ALG14: variants seen among roughly 807,000 people sequenced by gnomAD.
ALG14 encodes the protein UDP-N-acetylglucosamine transferase subunit ALG14.
In ALG14, 17 loss-of-function variants were observed where a neutral mutation model predicts 22.8. The observed-to-expected ratio is 0.75, with a 90% CI of 0.51 to 1.12. The LOEUF is 1.12. Among genes scored for constraint, ALG14 ranks in the 50% most tolerant of loss-of-function variants. The pLI is 0.00. For missense variants in ALG14, 288 were observed against 271.8 expected (o/e 1.06, Z -0.42); for synonymous variants, 89 against 103.7 (o/e 0.86, Z 0.86).
At chr1:95,005,160 G>T (rs182691716) in intron 3 of ALG14, among the ~76,000 whole-genome samples, 1 of 152,174 alleles carries the variant, frequency 6.6e-6, no homozygotes, top group Non-Finnish European at 1.5e-5. Flanking sequence ...TTGAAGCCAG[G>T]TCTTGATGCA....
intron 2 of ALG14, among the ~76,000 whole-genome samples, chr1:95,042,572 T>G (rs1341452788): frequency 2.0e-5 from 3 of 152,214 alleles, no homozygotes; most frequent in Non-Finnish European, 4.4e-5. Context: ...GAACTGAGTC[T>G]CCCTTTTGGG....
At chr1:95,016,270 T>C (rs774472624) in intron 3 of ALG14, among the ~76,000 whole-genome samples, 1 of 148,892 alleles carries the variant, frequency 6.7e-6, no homozygotes, top group Non-Finnish European at 1.5e-5. Flanking sequence ...ACAAGAACTG[T>C]TTTTTTTTTA....
Position 94,980,179 on chromosome 1 carries a change from A to C in ALG14, c.*2897T>G, listed in dbSNP as rs964459739. ...TGATGTGTTCCAAGTTGCTTTTATA[A>C]GGGGAAGCTTGGGTCATCTCCTTCC... On this transcript the variant is annotated 3_prime_UTR_variant, in exon 4 of 4. Transcript: ENST00000370205. 6.6e-6 allele frequency: 1 copy of C among 152,164 alleles called. No homozygotes were observed. The highest frequency in any genetic ancestry group is 1.5e-5 in the Non-Finnish European group (1 of 68,026). 9.4% of individuals were successfully genotyped at this position (152,164 alleles called of 1,614,324 possible).
chr1:95,031,029 C>T (rs114816616), intron 2 of ALG14, among the ~76,000 whole-genome samples: 3,340 of 152,202 alleles, frequency 0.022, 60 homozygotes, highest in Non-Finnish European at 0.033. Context: ...GTCTCCAGAC[C>T]AGAAGTTTAG....
chr1:95,048,908 G>A (rs1414231978), intron 2 of ALG14, among the ~76,000 whole-genome samples: 2 of 151,986 alleles, frequency 1.3e-5, no homozygotes, highest in Non-Finnish European at 2.9e-5. Context: ...ACAGGCTGAA[G>A]AGTAGAGTTA....
intron 3 of ALG14, among the ~76,000 whole-genome samples, chr1:95,002,806 G>C (rs914174853): frequency 6.6e-6 from 1 of 152,212 alleles, no homozygotes; most frequent in East Asian, 1.9e-4. Flanking sequence ...CTTTTTAAGA[G>C]TATCCGGTAG....
chr1:95,026,662 CT>C (rs78046048), intron 3 of ALG14, among the ~76,000 whole-genome samples: 42,272 of 152,044 alleles, frequency 0.28, 6,471 homozygotes, highest in African/African-American at 0.42. Flanking sequence ...GGCGCAGTGG[CT>C]CATGCCTGTA....
chr1:95,012,045 T>G (rs939774435), intron 3 of ALG14, among the ~76,000 whole-genome samples: 2 of 152,088 alleles, frequency 1.3e-5, no homozygotes, highest in African/African-American at 2.4e-5. Context: ...TCTCACAAGA[T>G]CTGATGATTT....
At position 95,064,983 on chromosome 1, in the gene ALG14, C is replaced by G; in HGVS notation, c.171G>C (p.Gly57=). Residue 57 remains glycine, a synonymous_variant, in exon 2 of 4, where the codon GGG becomes GGC. Coordinates refer to ENST00000370205, the MANE Select transcript of ALG14 (RefSeq NM_144988.4). ...GHTTEILRLL[G]SLSNAYSPRH... The stretch of plus-strand genomic sequence containing the variant: ...TAGGTGAGTAGGCATTGGACAAGCT[C>G]CCAAGCAGCCTCAGGATCTCAGTGG... 7 of 1,613,446 alleles carry G rather than the reference C, an allele frequency of 4.3e-6. No individual in the cohort carries two copies. The highest frequency in any genetic ancestry group is 5.9e-6 in the Non-Finnish European group (7 of 1,179,640).
rs1672359148 is a variant in ALG14, at chr1:94,974,551, C to T, written c.*8525G>A. 1 of 152,178 alleles carries T rather than the reference C, an allele frequency of 6.6e-6. No homozygotes were observed. Among genetic ancestry groups the T allele is most frequent in the South Asian group, 2.1e-4 (1 of 4,824 alleles). The allele number at this position is 152,178 out of a possible 1,614,324, so 9.4% of individuals were successfully genotyped here. A position where few individuals can be genotyped will look rare whatever the true frequency, so the allele number is the denominator to read the frequency against. On this transcript the variant is annotated 3_prime_UTR_variant, in exon 4 of 4. Transcript: ENST00000370205. ...AAAGAATCCATTGGTTTCTTTTTCA[C>T]TGCTGCATGCAGGCCAAGGAGAAAG...
chr1:95,046,977 A>ATAACG (rs1193643487), intron 2 of ALG14, among the ~76,000 whole-genome samples: 1 of 53,800 alleles, frequency 1.9e-5, no homozygotes, highest in East Asian at 4.1e-4. Flanking sequence ...ACAAAAAAAC[A>ATAACG]TAACATAACA....
chr1:95,044,565 ACT>A (rs1313568899), intron 2 of ALG14, among the ~76,000 whole-genome samples: 2 of 151,658 alleles, frequency 1.3e-5, no homozygotes, highest in Non-Finnish European at 2.9e-5. Context: ...TGCTTGAAAC[ACT>A]CTTCTCTCAG....
chr1:95,028,379 T>G (rs1027023397), intron 2 of ALG14, among the ~76,000 whole-genome samples: 1 of 152,184 alleles, frequency 6.6e-6, no homozygotes, highest in African/African-American at 2.4e-5. Flanking sequence ...CTAATTTTTT[T>G]GTATAGACAG....
chr1:95,067,781 C>T (rs1357311731), intron 1 of ALG14, among the ~76,000 whole-genome samples: 5 of 152,234 alleles, frequency 3.3e-5, no homozygotes, highest in Middle Eastern at 3.4e-3. Context: ...TGACCCTATT[C>T]GAGTTGATCA....
chr1:94,993,013 A>T (rs1672811993), intron 3 of ALG14, among the ~76,000 whole-genome samples: 1 of 151,376 alleles, frequency 6.6e-6, no homozygotes, highest in Non-Finnish European at 1.5e-5. Context: ...TGAAACACAT[A>T]GACTATGTGG....
intron 2 of ALG14, among the ~76,000 whole-genome samples, chr1:95,037,814 G>C (rs1674247055): frequency 6.6e-6 from 1 of 152,102 alleles, no homozygotes; most frequent in Non-Finnish European, 1.5e-5. Flanking sequence ...TTACGACATT[G>C]AATTTCAGAG....
intron 2 of ALG14, among the ~76,000 whole-genome samples, chr1:95,028,447 C>T (rs546529743): frequency 6.6e-6 from 1 of 152,324 alleles, no homozygotes; most frequent in Admixed American, 6.5e-5. Flanking sequence ...GATCTACCCA[C>T]CTTGGCCTCC....
chr1:94,990,990 GAATA>G, intron 3 of ALG14, among the ~76,000 whole-genome samples: 1 of 152,364 alleles, frequency 6.6e-6, no homozygotes, highest in Admixed American at 6.5e-5. Context: ...TCAAGAGGCT[GAATA>G]ACATGGTGCT....
At chr1:95,004,790 T>C (rs1452968179) in intron 3 of ALG14, among the ~76,000 whole-genome samples, 4 of 146,628 alleles carry the variant, frequency 2.7e-5, no homozygotes, top group Non-Finnish European at 1.5e-5. Context: ...CCACCGCGCC[T>C]GCCCCCGCCC....
Sources: gnomAD v4.1 joint callset for allele counts (sites outside exome capture counted in the v4.1 genomes callset) on GRCh38, gnomAD v4.1.1 for gene constraint, MANE v1.5 for transcripts, NCBI Gene and HGNC (gene_info 2026-07-23, HGNC 2026-07-21) for gene names.